The following PTGDR variants were observed in gnomAD, a reference collection of about 807,000 sequenced individuals.
The protein encoded by PTGDR is prostaglandin D2 receptor, also known as PGD2 receptor.
In PTGDR, 19 loss-of-function variants were observed where a neutral mutation model predicts 17.4. That is an observed-to-expected ratio of 1.09 (90% CI 0.76 to 1.60). PTGDR has a LOEUF of 1.60. Among genes scored for constraint, PTGDR ranks in the 40% most tolerant of loss-of-function variants. PTGDR has a pLI of 0.00. For synonymous variants in PTGDR, 267 were observed against 224.2 expected (o/e 1.19, Z -1.71); for missense variants, 526 against 481.9 (o/e 1.09, Z -0.86).
At position 52,268,378 on chromosome 14, in the gene PTGDR, C is replaced by T; in HGVS notation, c.564C>T (p.Val188=). 6.2e-7 allele frequency: 1 copy of T among 1,612,640 alleles called. No homozygotes were observed. The highest frequency in any genetic ancestry group is 8.5e-7 in the Non-Finnish European group (1 of 1,180,036). The change falls in exon 1 of 2, where the codon GTC becomes GTT. Residue 188 remains valine, a synonymous_variant. Coordinates refer to ENST00000306051, the MANE Select transcript of PTGDR (RefSeq NM_000953.3). ...GCACCTGGTGCTTTATCCAGATGGT[C>T]CACGAGGAGGGCTCGCTGTCGGTGC... ...CPGTWCFIQM[V]HEEGSLSVLG...
At chr14:52,270,218 G>A (rs803008) in intron 1 of PTGDR, among the ~76,000 whole-genome samples, 102,917 of 152,072 alleles carry the variant, frequency 0.68, 35,668 homozygotes, top group Middle Eastern at 0.85. Flanking sequence ...CCAAGAAAAC[G>A]TTTTATTCTT....
rs1200511816 is a variant in PTGDR, at chr14:52,274,749, G to GCA, written c.866_867dup (p.Phe290HisfsTer26). ...AAAACAGTATCGCGCTTACTATGGA[G>GCA]CATTTAAGGATGTCAAGGAGAAAAA... is the stretch of plus-strand genomic sequence containing the variant. On this transcript the variant is annotated frameshift_variant, in exon 2 of 2. Coordinates refer to ENST00000306051, the MANE Select transcript of PTGDR (RefSeq NM_000953.3). LOFTEE classifies it low-confidence loss of function (END_TRUNC). 2 of 1,611,820 alleles carry GCA rather than the reference G, an allele frequency of 1.2e-6. No homozygotes were observed. The highest frequency in any genetic ancestry group is 1.7e-6 in the Non-Finnish European group (2 of 1,177,988).
At chr14:52,272,939 C>T (rs1192774669) in intron 1 of PTGDR, among the ~76,000 whole-genome samples, 3 of 152,156 alleles carry the variant, frequency 2.0e-5, no homozygotes, top group Non-Finnish European at 4.4e-5. Flanking sequence ...CCTCTCTCAT[C>T]CATCCCTGCT....
downstream of PTGDR, among the ~76,000 whole-genome samples, chr14:52,278,596 C>A (rs555130509): frequency 6.6e-5 from 10 of 151,938 alleles, no homozygotes; most frequent in South Asian, 2.1e-3. Context: ...TGCACAGGTA[C>A]CCTAAAACTT....
downstream of PTGDR, among the ~76,000 whole-genome samples, chr14:52,279,178 A>G (rs956905055): frequency 1.3e-5 from 2 of 152,226 alleles, no homozygotes; most frequent in East Asian, 1.9e-4. Flanking sequence ...CGTCTATTCA[A>G]TAAGAGGCTG....
rs202080827 is a variant in PTGDR, at chr14:52,274,734, C to T, written c.850C>T (p.Arg284Cys). The change falls in exon 2 of 2, where the codon CGC becomes TGC. Residue 284 changes from arginine (R) to cysteine (C), a missense_variant. By Grantham distance (180) the Arg-to-Cys change is radical (BLOSUM62 -3). Coordinates refer to ENST00000306051, the MANE Select transcript of PTGDR (RefSeq NM_000953.3). The part of the protein sequence containing the change: ...FTMCSLPVIY[R>C]AYYGAFKDVK... ...GGAATGTTTTTCTTCAAAACAGTAT[C>T]GCGCTTACTATGGAGCATTTAAGGA... is the stretch of plus-strand genomic sequence containing the variant. The T allele has an allele frequency of 8.7e-6, 14 of 1,604,500 alleles. No individual in the cohort carries two copies. The highest frequency in any genetic ancestry group is 5.4e-5 in the African/African-American group (4 of 74,636).
At chr14:52,271,647 T>C (rs186481711) in intron 1 of PTGDR, among the ~76,000 whole-genome samples, 1 of 152,356 alleles carries the variant, frequency 6.6e-6, no homozygotes, top group Admixed American at 6.5e-5. Flanking sequence ...TTCACGTGTG[T>C]ACCCTCAACC....
intron 1 of PTGDR, chr14:52,269,418 C>T (rs779845163): frequency 1.0e-4 from 152 of 1,450,368 alleles, no homozygotes; most frequent in Non-Finnish European, 1.4e-4. Flanking sequence ...ATGAGGATAG[C>T]GATGGAAATG....
At chr14:52,269,202 A>G (rs2033278448) in intron 1 of PTGDR, among the ~76,000 whole-genome samples, 1 of 152,164 alleles carries the variant, frequency 6.6e-6, no homozygotes, top group Admixed American at 6.5e-5. Flanking sequence ...CATAGTTTTA[A>G]TTTTGAAAAA....
Position 52,274,780 on chromosome 14 carries a change from C to G in PTGDR, c.896C>G (p.Thr299Ser), listed in dbSNP as rs2033389123. 6.2e-7 allele frequency: 1 copy of G among 1,613,836 alleles called. No individual in the cohort carries two copies. The highest frequency in any genetic ancestry group is 1.1e-5 in the South Asian group (1 of 91,078). The change falls in exon 2 of 2, where the codon ACC becomes AGC. Residue 299 changes from threonine (T) to serine (S), a missense_variant. Thr to Ser is a moderately conservative substitution (Grantham distance 58). Transcript: ENST00000306051. ...AAGGATGTCAAGGAGAAAAACAGGA[C>G]CTCTGAAGAAGCAGAAGACCTCCGA... ...AFKDVKEKNR[T>S]SEEAEDLRAL...
In PTGDR at chr14:52,269,679, G is replaced by T. The variant is rs945787226; in HGVS notation, c.846+1019G>T. ...GCCATTTTGGATATTACTTTCAATG[G>T]TGAATGAAAGGGAAATACAAAGCGA... On this transcript the variant is annotated intron_variant, in intron 1 of 1. Coordinates refer to ENST00000306051, the MANE Select transcript of PTGDR (RefSeq NM_000953.3). 3 of 741,578 alleles carry T rather than the reference G, an allele frequency of 4.0e-6. No homozygotes were observed. The African/African-American group carries it at 5.3e-5, about 13-fold the overall frequency. 45.9% of individuals were successfully genotyped at this position (741,578 alleles called of 1,614,324 possible).
chr14:52,274,143 C>T (rs1351324324), intron 1 of PTGDR, among the ~76,000 whole-genome samples: 1 of 151,938 alleles, frequency 6.6e-6, no homozygotes, highest in Non-Finnish European at 1.5e-5. Context: ...TAGCAATTTA[C>T]ATGAGTTGAA....
At chr14:52,277,521 G>A (rs2033444667), downstream of PTGDR, among the ~76,000 whole-genome samples, 1 of 152,140 alleles carries the variant, frequency 6.6e-6, no homozygotes, top group Non-Finnish European at 1.5e-5. Flanking sequence ...CAATAACAGA[G>A]GTTATTCAGA....
Position 52,267,949 on chromosome 14 carries a change from G to A in PTGDR, c.135G>A (p.Gly45=). The A allele has an allele frequency of 6.2e-7, 1 of 1,610,020 alleles. No homozygotes were observed. The highest frequency in any genetic ancestry group is 8.5e-7 in the Non-Finnish European group (1 of 1,179,562). ...LLALGLLARS[G]LGWCSRRPLR... ...CCCTGGGGCTGCTGGCGCGCTCGGG[G>A]CTGGGGTGGTGCTCGCGGCGTCCAC... The change falls in exon 1 of 2, where the codon GGG becomes GGA. Residue 45 remains glycine, a synonymous_variant. Transcript: ENST00000306051.
downstream of PTGDR, among the ~76,000 whole-genome samples, chr14:52,277,598 A>G (rs987268089): frequency 1.3e-5 from 2 of 152,222 alleles, no homozygotes; most frequent in African/African-American, 4.8e-5. Flanking sequence ...GCAACCCAAC[A>G]GTGTATCAAG....
chr14:52,269,531 T>C (rs1483735623), intron 1 of PTGDR: 94 of 1,534,032 alleles, frequency 6.1e-5, no homozygotes, highest in Admixed American at 4.1e-4. Flanking sequence ...GCTCCTCTCC[T>C]TTCTCCCAAG....
intron 1 of PTGDR, among the ~76,000 whole-genome samples, chr14:52,273,536 C>T (rs1250572026): frequency 6.6e-6 from 1 of 152,106 alleles, no homozygotes; most frequent in Non-Finnish European, 1.5e-5. Flanking sequence ...TTCCCTCCGC[C>T]CCCGCCCGAC....
downstream of PTGDR, chr14:52,276,751 A>T (rs761764296): frequency 1.3e-5 from 2 of 152,160 alleles, no homozygotes; most frequent in African/African-American, 2.4e-5. Flanking sequence ...ACTTTTCTTT[A>T]AATGAAAGAA....
At chr14:52,269,599 G>A (rs1013920370) in intron 1 of PTGDR, 11 of 1,320,402 alleles carry the variant, frequency 8.3e-6, no homozygotes, top group South Asian at 4.0e-5. Flanking sequence ...CCACGTTCTC[G>A]AAATCCTGAG....
Sources: gnomAD v4.1 joint callset for allele counts (sites outside exome capture counted in the v4.1 genomes callset) on GRCh38, gnomAD v4.1.1 for gene constraint, MANE v1.5 for transcripts, NCBI Gene and HGNC (gene_info 2026-07-23, HGNC 2026-07-21) for gene names.